The following UNC13B variants were observed in gnomAD, a reference collection of about 807,000 sequenced individuals.
The protein encoded by UNC13B is unc-13 homolog B.
A neutral mutation model predicts 211.0 loss-of-function variants in UNC13B; 144 were observed. The observed-to-expected ratio is 0.68, with a 90% CI of 0.60 to 0.78. UNC13B has a LOEUF of 0.78. Ranked by LOEUF, UNC13B falls within the 30% of genes least tolerant of loss-of-function variation. The pLI is 0.00. For missense variants in UNC13B, 1,777 were observed against 2,002.0 expected, an observed-to-expected ratio of 0.89 and a Z score of 2.14; for synonymous variants, 709 against 725.8, an observed-to-expected ratio of 0.98 and a Z score of 0.37.
At chr9:35,333,088 A>G (rs1265084856) in intron 11 of UNC13B, among the ~76,000 whole-genome samples, 1 of 151,962 alleles carries the variant, frequency 6.6e-6, no homozygotes, top group Non-Finnish European at 1.5e-5. Context: ...ATGTAAAAGT[A>G]CACTTTTGAC....
chr9:35,362,799 CAA>C (rs36011341), intron 11 of UNC13B, among the ~76,000 whole-genome samples: 177 of 98,804 alleles, frequency 1.8e-3, no homozygotes, highest in African/African-American at 4.6e-3. Flanking sequence ...GACTCCGTCT[CAA>C]AAAAAAAAAA....
chr9:35,286,458 C>A (rs1421379409), intron 7 of UNC13B, among the ~76,000 whole-genome samples: 1 of 151,888 alleles, frequency 6.6e-6, no homozygotes, highest in Non-Finnish European at 1.5e-5. Flanking sequence ...GTCTCGAACT[C>A]CTGACCTCAA....
At chr9:35,265,598 G>T (rs1051555038) in intron 7 of UNC13B, among the ~76,000 whole-genome samples, 2 of 152,140 alleles carry the variant, frequency 1.3e-5, no homozygotes, top group Non-Finnish European at 1.5e-5. Context: ...AACCAAATTT[G>T]TCTCTAGGAT....
At position 35,263,980 on chromosome 9, in the gene UNC13B, G is replaced by A. The variant is rs143607825; in HGVS notation, c.526+4930G>A. Among the ~76,000 whole-genome samples, 49 of 152,302 alleles carry A rather than the reference G, an allele frequency of 3.2e-4. 1 individual carries two copies. In the East Asian group the frequency reaches 7.9e-3, roughly 25 times the overall value. On this transcript the variant is annotated intron_variant, in intron 7 of 39. Transcript: ENST00000635942. Reference sequence around the variant, plus strand: ...TAAGACACCCAGTCTAAGTGATTTCGTTAAGGCAATCCAAGAAGACTACTG... The same window carrying A: ...TAAGACACCCAGTCTAAGTGATTTCATTAAGGCAATCCAAGAAGACTACTG...
intron 26 of UNC13B, 64 bp downstream of exon 26, chr9:35,390,778 C>G: frequency 3.4e-6 from 5 of 1,459,622 alleles, no homozygotes; most frequent in Non-Finnish European, 4.7e-6. Flanking sequence ...TTCACTGTCC[C>G]TTTCCTCTTC....
intron 3 of UNC13B, among the ~76,000 whole-genome samples, chr9:35,234,014 C>T (rs1047279784): frequency 1.3e-5 from 2 of 152,316 alleles, no homozygotes; most frequent in African/African-American, 2.4e-5. Context: ...CTGTTCAAGT[C>T]AAGCTGTTGA....
chr9:35,291,458 G>T lies in UNC13B; in HGVS notation c.527-4238G>T, dbSNP rs866504533. Among the ~76,000 whole-genome samples the T allele has an allele frequency of 1.7e-4, 26 of 152,292 alleles. No homozygotes were observed. In the Middle Eastern group the frequency reaches 0.014, roughly 80 times the overall value. ...GGAGTGCAGTGACCAGAAGGAGAAG[G>T]TTCATTCTAGGATGAACTAGAGTCA... On this transcript the variant is annotated intron_variant, in intron 7 of 39. Transcript: ENST00000635942.
At chr9:35,183,240 G>A (rs1460925158) in intron 1 of UNC13B, among the ~76,000 whole-genome samples, 31 of 129,118 alleles carry the variant, frequency 2.4e-4, no homozygotes, top group African/African-American at 7.7e-4. Flanking sequence ...CCTCCCAGAC[G>A]AAGGGCGGCC....
chr9:35,323,360 C>T (rs1490255006), intron 11 of UNC13B, among the ~76,000 whole-genome samples: 1 of 152,266 alleles, frequency 6.6e-6, no homozygotes, highest in East Asian at 1.9e-4. Flanking sequence ...AATTTATATA[C>T]TCTGCCCCCA....
At position 35,404,237 on chromosome 9, in the gene UNC13B, A is replaced by T; in HGVS notation, c.*204A>T. 1 of 656,822 alleles carries T rather than the reference A, an allele frequency of 1.5e-6. No individual in the cohort carries two copies. Among genetic ancestry groups the T allele is most frequent in the Non-Finnish European group, 2.5e-6 (1 of 393,192 alleles). 40.7% of individuals were successfully genotyped at this position (656,822 alleles called of 1,614,324 possible). A position where few individuals can be genotyped will look rare whatever the true frequency, so the allele number is the denominator to read the frequency against. Reference sequence around the variant, plus strand: ...AGCCCTGGCCCAACAGGACTGTGGTACTAGGGGCTGGGATGTGGGGTTACC... The same window carrying T: ...AGCCCTGGCCCAACAGGACTGTGGTTCTAGGGGCTGGGATGTGGGGTTACC... On this transcript the variant is annotated 3_prime_UTR_variant, in exon 40 of 40. Coordinates refer to ENST00000635942, the MANE Select transcript of UNC13B (RefSeq NM_001371189.2).
intron 22 of UNC13B, chr9:35,385,090 T>C: frequency 1.0e-6 from 1 of 985,476 alleles, no homozygotes; most frequent in Non-Finnish European, 1.2e-6. Flanking sequence ...GTTTAAAAAC[T>C]GACCATTAAT....
intron 7 of UNC13B, among the ~76,000 whole-genome samples, chr9:35,270,325 C>G (rs1827802066): frequency 7.4e-6 from 1 of 135,384 alleles, no homozygotes; most frequent in African/African-American, 2.7e-5. Context: ...TTCTCTCTCT[C>G]TCTATGTATA....
At chr9:35,254,659 T>C (rs1054234060) in intron 6 of UNC13B, among the ~76,000 whole-genome samples, 12 of 151,788 alleles carry the variant, frequency 7.9e-5, no homozygotes, top group Non-Finnish European at 1.3e-4. Context: ...AAAATTACAT[T>C]TTCTAGTTGG....
chr9:35,241,557 GCACACACACACA>G (rs3067420), intron 5 of UNC13B, among the ~76,000 whole-genome samples: 17 of 145,058 alleles, frequency 1.2e-4, no homozygotes, highest in East Asian at 2.0e-4. Context: ...CTGAATATAA[GCACACACACACA>G]CACACACACA....
At chr9:35,352,172 A>G (rs1303571781) in intron 11 of UNC13B, 2 of 1,232,100 alleles carry the variant, frequency 1.6e-6, no homozygotes, top group African/African-American at 3.1e-5. Flanking sequence ...GGACAGACCC[A>G]GTGAGGAAGC....
intron 1 of UNC13B, among the ~76,000 whole-genome samples, chr9:35,171,593 T>G (rs1821336195): frequency 6.6e-6 from 1 of 152,026 alleles, no homozygotes; most frequent in South Asian, 2.1e-4. Context: ...TTTGTAGAGA[T>G]GGGTCTCCCT....
chr9:35,238,968 A>G (rs944606979), intron 5 of UNC13B, among the ~76,000 whole-genome samples: 5 of 147,788 alleles, frequency 3.4e-5, no homozygotes, highest in African/African-American at 1.3e-4. Context: ...ATCTTTGCCC[A>G]TTTTGAGTCT....
chr9:35,276,322 A>AAC (rs1223221385), intron 7 of UNC13B, among the ~76,000 whole-genome samples: 1 of 151,708 alleles, frequency 6.6e-6, no homozygotes, highest in African/African-American at 2.4e-5. Flanking sequence ...AAAAAAAAAA[A>AAC]AAGGCATAGG....
At chr9:35,215,837 C>T (rs887505098) in intron 1 of UNC13B, among the ~76,000 whole-genome samples, 3 of 152,118 alleles carry the variant, frequency 2.0e-5, no homozygotes, top group East Asian at 1.9e-4. Context: ...TTCCTGGTGT[C>T]TCTGAGCCGG....
Sources: allele counts gnomAD v4.1 joint callset (sites outside exome capture counted in the v4.1 genomes callset), GRCh38; gene constraint gnomAD v4.1.1; transcripts MANE v1.5; gene names NCBI Gene and HGNC (gene_info 2026-07-23, HGNC 2026-07-21).